EYS: variants seen among roughly 807,000 people sequenced by gnomAD.
The protein encoded by EYS is protein eyes shut homolog.
A neutral mutation model predicts 282.1 loss-of-function variants in EYS; 250 were observed. That is an observed-to-expected ratio of 0.89 (90% CI 0.80 to 0.98). EYS has a LOEUF of 0.98. EYS is among the 50% of genes least tolerant of loss of function. The pLI, the probability that EYS is intolerant of heterozygous loss-of-function variation, is 0.00. For missense variants in EYS, 4,016 were observed against 3,709.0 expected (o/e 1.08, Z -2.15); for synonymous variants, 1,355 against 1,282.9 (o/e 1.06, Z -1.20).
intron 12 of EYS, among the ~76,000 whole-genome samples, chr6:65,076,870 T>C (rs1774070409): frequency 6.6e-6 from 1 of 152,102 alleles, no homozygotes; most frequent in African/African-American, 2.4e-5. Context: ...TATCAGAAAT[T>C]AGTTTCCTCA....
At chr6:64,322,125 T>C (rs902492644) in intron 29 of EYS, among the ~76,000 whole-genome samples, 6 of 151,988 alleles carry the variant, frequency 3.9e-5, no homozygotes, top group African/African-American at 1.2e-4. Flanking sequence ...GGTCACCATA[T>C]ATGGTTATGC....
chr6:64,304,254 T>C (rs563262646), intron 30 of EYS, among the ~76,000 whole-genome samples: 8 of 152,156 alleles, frequency 5.3e-5, no homozygotes, highest in Non-Finnish European at 1.0e-4. Context: ...ACCTGGCATA[T>C]AAACACTTAG....
At chr6:63,944,347 T>G (rs1765329832) in intron 35 of EYS, among the ~76,000 whole-genome samples, 1 of 152,222 alleles carries the variant, frequency 6.6e-6, no homozygotes, top group South Asian at 2.1e-4. Flanking sequence ...TTAATGTATC[T>G]CAAACATAGA....
At chr6:64,449,140 C>T (rs979303978) in intron 26 of EYS, among the ~76,000 whole-genome samples, 1 of 152,076 alleles carries the variant, frequency 6.6e-6, no homozygotes, top group Non-Finnish European at 1.5e-5. Flanking sequence ...ACTAGAATAA[C>T]CAATGCAGAG....
At chr6:65,666,332 A>G (rs1447310169) in intron 1 of EYS, among the ~76,000 whole-genome samples, 1 of 151,818 alleles carries the variant, frequency 6.6e-6, no homozygotes, top group Non-Finnish European at 1.5e-5. Context: ...GTAGTTAAAA[A>G]CAGGGACTTT....
chr6:63,770,809 T>G (rs1769909713), intron 40 of EYS, among the ~76,000 whole-genome samples: 1 of 152,176 alleles, frequency 6.6e-6, no homozygotes, highest in Admixed American at 6.6e-5. Flanking sequence ...TACAATCAAG[T>G]GTTAAAACAA....
intron 22 of EYS, among the ~76,000 whole-genome samples, chr6:64,675,352 C>T (rs1480603860): frequency 6.6e-6 from 1 of 151,920 alleles, no homozygotes; most frequent in Non-Finnish European, 1.5e-5. Flanking sequence ...AATAAATCTT[C>T]CTAAACTAAA....
At chr6:64,892,254 A>C (rs1251775124) in intron 18 of EYS, among the ~76,000 whole-genome samples, 1 of 151,964 alleles carries the variant, frequency 6.6e-6, no homozygotes, top group African/African-American at 2.4e-5. Flanking sequence ...ATTAATAAGT[A>C]GATGTATTAT....
intron 14 of EYS, among the ~76,000 whole-genome samples, chr6:64,957,433 G>C (rs1031848758): frequency 6.6e-6 from 1 of 152,046 alleles, no homozygotes; most frequent in African/African-American, 2.4e-5. Flanking sequence ...GGCTGGGAAG[G>C]GTAGTGGATG....
In EYS at chr6:63,721,654, C is replaced by T. The variant is rs1319520589; in HGVS notation, c.8377G>A (p.Ala2793Thr). The T allele has an allele frequency of 3.2e-6, 5 of 1,551,424 alleles. No individual in the cohort carries two copies. The highest frequency in any genetic ancestry group is 4.4e-6 in the Non-Finnish European group (5 of 1,146,738). ...WHIIKAGRVGAEGYLDLDGIN... is the reference protein window; with the variant it reads ...WHIIKAGRVGTEGYLDLDGIN... ...CCATCTAGATCCAGGTAGCCTTCTGCACCAACTCTTCCTGCTTTTATTATA... is the reference window on the plus strand; with the variant it reads ...CCATCTAGATCCAGGTAGCCTTCTGTACCAACTCTTCCTGCTTTTATTATA... Residue 2793 changes from alanine to threonine, a missense_variant, in exon 43 of 43, where the codon GCA becomes ACA. Physicochemically the swap from Ala to Thr is moderately conservative, Grantham distance 58. Transcript: ENST00000503581.
intron 2 of EYS, among the ~76,000 whole-genome samples, chr6:65,563,447 CA>C (rs1423761463): frequency 6.6e-6 from 1 of 151,948 alleles, no homozygotes; most frequent in African/African-American, 2.4e-5. Context: ...GCTACATTTT[CA>C]TGTATGATCA....
In EYS at chr6:65,381,955, A is replaced by T. The variant is rs538184725; in HGVS notation, c.1299+2431T>A. 1.6e-4 allele frequency among the ~76,000 whole-genome samples: 25 copies of T among 151,758 alleles called. 1 individual carries two copies. The highest frequency in any genetic ancestry group is 1.6e-4 in the Non-Finnish European group (11 of 67,862). The stretch of plus-strand genomic sequence containing the variant: ...TGGTTTCTGGTTAGTATTTCTCTCA[A>T]TTTTTTCCATCATTTTGTTTCAATA... On this transcript the variant is annotated intron_variant, in intron 8 of 42. Coordinates refer to ENST00000503581, the MANE Select transcript of EYS (RefSeq NM_001142800.2).
Position 64,590,293 on chromosome 6 carries a change from A to G in EYS, c.5574T>C (p.Leu1858=), listed in dbSNP as rs2149830945. The G allele has an allele frequency of 2.6e-6, 4 of 1,551,190 alleles. No individual in the cohort carries two copies. The highest frequency in any genetic ancestry group is 3.5e-6 in the Non-Finnish European group (4 of 1,146,610). Residue 1858 remains leucine, a synonymous_variant, in exon 26 of 43, where the codon CTT becomes CTC. Transcript: ENST00000503581. ...YQEFPTASRH[L]PFTRSLTLSS... Reference sequence around the variant, plus strand: ...ACAAAGTAAGAGATCTAGTGAAGGGAAGATGCCGGCTTGCAGTGGGAAATT... The same window carrying G: ...ACAAAGTAAGAGATCTAGTGAAGGGGAGATGCCGGCTTGCAGTGGGAAATT...
intron 5 of EYS, among the ~76,000 whole-genome samples, chr6:65,446,057 T>G (rs1041502824): frequency 6.6e-6 from 1 of 151,734 alleles, no homozygotes; most frequent in Non-Finnish European, 1.5e-5. Context: ...TAATCAATCA[T>G]AGCGAAATAT....
chr6:63,945,782 A>G (rs1183973282), intron 35 of EYS, among the ~76,000 whole-genome samples: 1 of 152,170 alleles, frequency 6.6e-6, no homozygotes, highest in Non-Finnish European at 1.5e-5. Flanking sequence ...CTGTTTCATC[A>G]AAGTATTTAC....
At chr6:65,027,980 C>T (rs140006915) in intron 13 of EYS, among the ~76,000 whole-genome samples, 34 of 152,058 alleles carry the variant, frequency 2.2e-4, no homozygotes, top group African/African-American at 8.0e-4. Flanking sequence ...AATTATTATG[C>T]CGGATTTCTT....
intron 22 of EYS, among the ~76,000 whole-genome samples, chr6:64,695,745 C>T (rs532068763): frequency 3.9e-5 from 6 of 151,928 alleles, no homozygotes; most frequent in South Asian, 4.2e-4. Flanking sequence ...CCACCATGCC[C>T]GGCTAATTTT....
chr6:64,629,998 T>C (rs1309724912), intron 22 of EYS, among the ~76,000 whole-genome samples: 1 of 152,218 alleles, frequency 6.6e-6, no homozygotes, highest in Non-Finnish European at 1.5e-5. Context: ...AAGGGTTTAG[T>C]TTTCATCATT....
At chr6:64,417,857 G>A (rs912434946) in intron 28 of EYS, among the ~76,000 whole-genome samples, 1 of 151,942 alleles carries the variant, frequency 6.6e-6, no homozygotes, top group Non-Finnish European at 1.5e-5. Flanking sequence ...ATCTTTAGTG[G>A]AGATGGGTTT....
Sources: allele counts gnomAD v4.1 joint callset (sites outside exome capture counted in the v4.1 genomes callset), GRCh38; gene constraint gnomAD v4.1.1; transcripts MANE v1.5; gene names NCBI Gene and HGNC (gene_info 2026-07-23, HGNC 2026-07-21).